The following ROS1 variants were observed in gnomAD, a reference collection of about 807,000 sequenced individuals.
ROS1 encodes ROS proto-oncogene 1, receptor tyrosine kinase.
In ROS1, 263 loss-of-function variants were observed where a neutral mutation model predicts 273.5. That is an observed-to-expected ratio of 0.96 (90% confidence interval 0.87 to 1.06). The LOEUF (loss-of-function observed/expected upper bound fraction) is 1.06, where lower values mean the gene tolerates loss of function less well. Ranked by LOEUF, ROS1 falls within the 50% of genes least tolerant of loss-of-function variation. The pLI is 0.00. For synonymous variants in ROS1, 1,008 were observed against 954.1 expected, an observed-to-expected ratio of 1.06 and a Z score of -1.04; for missense variants, 2,833 against 2,751.1, an observed-to-expected ratio of 1.03 and a Z score of -0.67.
At chr6:117,385,610 G>T (rs1232120151) in intron 16 of ROS1, 73 bp downstream of exon 16, 5 of 1,249,952 alleles carry the variant, frequency 4.0e-6, no homozygotes, top group East Asian at 2.4e-5. Context: ...AAAAAAAAAA[G>T]AAATTGGTGT....
At chr6:117,398,194 A>C (rs1486762562) in intron 7 of ROS1, among the ~76,000 whole-genome samples, 2 of 152,198 alleles carry the variant, frequency 1.3e-5, no homozygotes, top group African/African-American at 4.8e-5. Context: ...GTCAATGCCC[A>C]AATGTGATCT....
In ROS1 at chr6:117,386,829, T is replaced by A. The variant is rs1247197730; in HGVS notation, c.2110+60A>T. The A allele has an allele frequency of 4.9e-6, 4 of 808,964 alleles. No homozygotes were observed. In the African/African-American group the frequency reaches 5.1e-5, roughly 10 times the overall value. The allele number at this position is 808,964 out of a possible 1,614,324, so 50.1% of individuals were successfully genotyped here. ...CCTATTCTTTTGATTCATTGAATGA[T>A]GTGGGAAGTCTTATGAGTAGAAATC... On this transcript the variant is annotated intron_variant, in intron 15 of 43. Coordinates refer to ENST00000368507, the MANE Select transcript of ROS1 (RefSeq NM_001378902.1).
intron 18 of ROS1, among the ~76,000 whole-genome samples, chr6:117,368,774 A>G (rs180745231): frequency 1.3e-5 from 2 of 150,946 alleles, no homozygotes; most frequent in Admixed American, 1.3e-4. Context: ...AAATCTAAAT[A>G]CAGATCAAAT....
chr6:117,350,983 A>C (rs1778802954), intron 27 of ROS1, among the ~76,000 whole-genome samples: 1 of 152,224 alleles, frequency 6.6e-6, no homozygotes, highest in African/African-American at 2.4e-5. Flanking sequence ...TGCCATATTT[A>C]AATGATTGTG....
At chr6:117,368,789 T>C (rs1159263753) in intron 18 of ROS1, among the ~76,000 whole-genome samples, 1 of 145,830 alleles carries the variant, frequency 6.9e-6, no homozygotes, top group Non-Finnish European at 1.5e-5. Context: ...TCAAATATTT[T>C]CTATGAAAAC....
Position 117,362,656 on chromosome 6 carries a change from C to T in ROS1, c.3313G>A (p.Val1105Met), listed in dbSNP as rs1191924885. The stretch of plus-strand genomic sequence containing the variant: ...ATGCCTTCAAGTTGAAAAGACATCA[C>T]TGAGGGAGTGACATTGACAGCAATC... The part of the protein sequence containing the change: ...DWIAVNVTPS[V>M]MSFQLEGMSP... Residue 1105 changes from valine to methionine, a missense_variant, in exon 22 of 44, where the codon GTG (valine) becomes ATG (methionine). By Grantham distance (21) the Val-to-Met change is conservative. Coordinates refer to ENST00000368507, the MANE Select transcript of ROS1 (RefSeq NM_001378902.1). The T allele has an allele frequency of 1.2e-6, 2 of 1,613,436 alleles. No homozygotes were observed. The highest frequency in any genetic ancestry group is 2.7e-5 in the African/African-American group (2 of 74,898).
intron 27 of ROS1, among the ~76,000 whole-genome samples, chr6:117,346,863 G>C (rs780497851): frequency 6.6e-6 from 1 of 152,150 alleles, no homozygotes; most frequent in African/African-American, 2.4e-5. Flanking sequence ...ACATAGAATA[G>C]TTCCACTGCC....
chr6:117,330,297 A>T (rs918396976), intron 32 of ROS1, among the ~76,000 whole-genome samples: 1 of 151,914 alleles, frequency 6.6e-6, no homozygotes, highest in Non-Finnish European at 1.5e-5. Context: ...CTGCAGCCAG[A>T]GGCTCAGGGA....
At chr6:117,421,659 A>G (rs974271110) in intron 1 of ROS1, among the ~76,000 whole-genome samples, 2 of 152,134 alleles carry the variant, frequency 1.3e-5, no homozygotes, top group Non-Finnish European at 2.9e-5. Context: ...TTATCCACTC[A>G]TCAGTTGATG....
rs567360568 is a variant in ROS1, at chr6:117,368,689, GTATAA to G, written c.2583-2404_2583-2400del. 2.9e-4 allele frequency among the ~76,000 whole-genome samples: 44 copies of G among 152,076 alleles called. 2 individuals carry two copies. In the South Asian group the frequency reaches 7.7e-3, roughly 27 times the overall value. On this transcript the variant is annotated intron_variant, in intron 18 of 43. Coordinates refer to ENST00000368507, the MANE Select transcript of ROS1 (RefSeq NM_001378902.1). ...ATTTGATTCATATATTATGAATCAC[GTATAA>G]TATATTAAAATATTTTTGAGTATTT...
intron 5 of ROS1, among the ~76,000 whole-genome samples, chr6:117,405,339 C>T (rs1322974567): frequency 6.6e-6 from 1 of 152,156 alleles, no homozygotes; most frequent in African/African-American, 2.4e-5. Context: ...AGGACCTAGC[C>T]CACAAAGAGG....
intron 9 of ROS1, among the ~76,000 whole-genome samples, chr6:117,395,311 C>T (rs763891515): frequency 5.9e-5 from 9 of 152,152 alleles, no homozygotes; most frequent in Non-Finnish European, 1.2e-4. Flanking sequence ...ACAGTAACAA[C>T]AACCTTAACC....
In ROS1 at chr6:117,324,357, C is replaced by T. The variant is rs780747942; in HGVS notation, c.5598G>A (p.Leu1866=). ...CAAAGGTCAGTGGGATTGTAACAAC[C>T]AGAAATATTCCAACTATAATAGTAA... The part of the protein sequence containing the change: ...FILTIIVGIF[L]VVTIPLTFVW... The change falls in exon 35 of 44, where the codon CTG becomes CTA. Residue 1866 remains leucine (L), a synonymous_variant. Coordinates refer to ENST00000368507, the MANE Select transcript of ROS1 (RefSeq NM_001378902.1). 2 of 1,527,518 alleles carry T rather than the reference C, an allele frequency of 1.3e-6. No homozygotes were observed. The highest frequency in any genetic ancestry group is 1.8e-6 in the Non-Finnish European group (2 of 1,108,562). 94.6% of individuals were successfully genotyped at this position (1,527,518 alleles called of 1,614,324 possible). A position where few individuals can be genotyped will look rare whatever the true frequency, so the allele number is the denominator to read the frequency against.
At chr6:117,311,338 T>C (rs1340414377) in intron 39 of ROS1, among the ~76,000 whole-genome samples, 2 of 152,104 alleles carry the variant, frequency 1.3e-5, no homozygotes, top group African/African-American at 4.8e-5. Context: ...CTATGTTTAG[T>C]AAGTAGAGGC....
Position 117,365,638 on chromosome 6 carries a change from G to A in ROS1, c.2901C>T (p.Pro967=), listed in dbSNP as rs775935412. The A allele has an allele frequency of 6.2e-7, 1 of 1,613,028 alleles. No homozygotes were observed. Among genetic ancestry groups the A allele is most frequent in the South Asian group, 1.1e-5 (1 of 91,004 alleles). Residue 967 remains proline, a synonymous_variant, in exon 20 of 44, where the codon CCC becomes CCT. Transcript: ENST00000368507. The stretch of plus-strand genomic sequence containing the variant: ...AAACTACACCCCAGTCTACCGCAGG[G>A]GGACCATTCCACAGGATTTGAAAAC... ...ASSFQILWNG[P]PAVDWGVVFY...
rs2128550081 is a variant in ROS1 at position 117,311,111 on chromosome 6, C to A, written c.6124G>T (p.Gly2042Cys). The change falls in exon 40 of 44, where the codon GGT becomes TGT. Residue 2042 changes from glycine (G) to cysteine (C), a missense_variant. Physicochemically the swap from Gly to Cys is radical, Grantham distance 159. Transcript: ENST00000368507. ...LRKARMATFY[G>C]PLLTLVDLVD... is the part of the protein sequence containing the mutation. The stretch of plus-strand genomic sequence containing the variant: ...AGGTCAACCAAGGTGAGTAAAGGAC[C>A]ATAAAACTGTAAGAAATGAAAGAAA... 1.3e-6 allele frequency: 2 copies of A among 1,592,512 alleles called. No homozygotes were observed. Among genetic ancestry groups the A allele is most frequent in the African/African-American group, 1.4e-5 (1 of 73,618 alleles).
intron 32 of ROS1, among the ~76,000 whole-genome samples, chr6:117,330,183 C>A (rs1776977717): frequency 6.6e-6 from 1 of 152,232 alleles, no homozygotes; most frequent in South Asian, 2.1e-4. Context: ...TCGCCACAAC[C>A]CAACACACCA....
intron 15 of ROS1, among the ~76,000 whole-genome samples, chr6:117,386,682 C>T (rs1050662092): frequency 2.0e-5 from 3 of 152,226 alleles, no homozygotes; most frequent in African/African-American, 7.2e-5. Flanking sequence ...GAAACAACCT[C>T]ACATTTTGTG....
intron 7 of ROS1, among the ~76,000 whole-genome samples, chr6:117,399,133 G>T (rs1245196241): frequency 6.6e-6 from 1 of 152,168 alleles, no homozygotes; most frequent in African/African-American, 2.4e-5. Context: ...CCATAAGAAG[G>T]ACACCCATGT....
Sources: gnomAD v4.1 joint callset for allele counts (sites outside exome capture counted in the v4.1 genomes callset) on GRCh38, gnomAD v4.1.1 for gene constraint, MANE v1.5 for transcripts, NCBI Gene and HGNC (gene_info 2026-07-23, HGNC 2026-07-21) for gene names.